Variants in CXCL13 observed in about 807,000 individuals in gnomAD.
The protein encoded by CXCL13 is C-X-C motif chemokine ligand 13.
Under a neutral mutation model 12.2 loss-of-function variants are expected in CXCL13, and 7 were observed. That is an observed-to-expected ratio of 0.57 (90% CI 0.33 to 1.07). CXCL13 has a LOEUF of 1.07. CXCL13 is among the 50% of genes least tolerant of loss of function. The pLI is 0.04. For missense variants in CXCL13, 113 were observed against 127.4 expected, an observed-to-expected ratio of 0.89 and a Z score of 0.55; for synonymous variants, 47 against 42.4, an observed-to-expected ratio of 1.11 and a Z score of -0.42.
At chr4:77,554,990 T>G (rs933960805) in intron 1 of CXCL13, among the ~76,000 whole-genome samples, 1 of 151,800 alleles carries the variant, frequency 6.6e-6, no homozygotes, top group Admixed American at 6.6e-5. Flanking sequence ...AAGTCTAAAA[T>G]TAATGATACA....
chr4:77,546,693 C>T (rs181053072), intron 1 of CXCL13, among the ~76,000 whole-genome samples: 2 of 152,266 alleles, frequency 1.3e-5, no homozygotes, highest in African/African-American at 4.8e-5. Context: ...AAAACCAGCT[C>T]CTGGATTCAT....
At chr4:77,521,778 C>G (rs1724607426) in intron 1 of CXCL13, among the ~76,000 whole-genome samples, 1 of 151,890 alleles carries the variant, frequency 6.6e-6, no homozygotes, top group Admixed American at 6.6e-5. Context: ...GCTCTTGCTT[C>G]TCTAGTTTTT....
At chr4:77,574,407 T>A (rs1471460927) in intron 1 of CXCL13, among the ~76,000 whole-genome samples, 1 of 151,932 alleles carries the variant, frequency 6.6e-6, no homozygotes, top group East Asian at 1.9e-4. Flanking sequence ...TCCTATATTT[T>A]GTATCATGTT....
In CXCL13 at chr4:77,611,516, T is replaced by C. The variant is rs913283175; in HGVS notation, c.*477T>C. On this transcript the variant is annotated 3_prime_UTR_variant, in exon 4 of 4. Transcript: ENST00000682537. ...TCAAGAGGCAAAGGAATCCATGTAGTAGATATCCTCTGCTTAAAAACTCAC... is the reference window on the plus strand; with the variant it reads ...TCAAGAGGCAAAGGAATCCATGTAGCAGATATCCTCTGCTTAAAAACTCAC... 1.0e-5 allele frequency: 4 copies of C among 395,620 alleles called. No individual in the cohort carries two copies. In the East Asian group the frequency reaches 1.1e-4, roughly 11 times the overall value. The allele number at this position is 395,620 out of a possible 1,614,324, so 24.5% of individuals were successfully genotyped here.
At chr4:77,566,452 C>T (rs1725925477) in intron 1 of CXCL13, among the ~76,000 whole-genome samples, 1 of 152,126 alleles carries the variant, frequency 6.6e-6, no homozygotes, top group South Asian at 2.1e-4. Flanking sequence ...AGCTCTAAAA[C>T]TGTTGCTATG....
At chr4:77,537,784 T>C (rs1042141475) in intron 1 of CXCL13, among the ~76,000 whole-genome samples, 11 of 152,164 alleles carry the variant, frequency 7.2e-5, no homozygotes, top group African/African-American at 2.7e-4. Context: ...CATGCAGTTG[T>C]TGTGGGTCTG....
intron 1 of CXCL13, among the ~76,000 whole-genome samples, chr4:77,568,864 C>A (rs1725999839): frequency 6.6e-6 from 1 of 152,106 alleles, no homozygotes; most frequent in South Asian, 2.1e-4. Context: ...CTAAAGTTTT[C>A]ATTTTTCTGT....
At chr4:77,527,928 T>C (rs940280592) in intron 1 of CXCL13, among the ~76,000 whole-genome samples, 1 of 151,830 alleles carries the variant, frequency 6.6e-6, no homozygotes. Context: ...ATCCCTCCCC[T>C]ATCCCCCCAC....
chr4:77,548,683 A>G (rs1725435332), intron 1 of CXCL13, among the ~76,000 whole-genome samples: 1 of 152,230 alleles, frequency 6.6e-6, no homozygotes, highest in Non-Finnish European at 1.5e-5. Flanking sequence ...TCTGGCTTGT[A>G]GAGCTTCTGC....
intron 1 of CXCL13, among the ~76,000 whole-genome samples, chr4:77,520,264 A>G (rs986397388): frequency 1.3e-5 from 2 of 152,220 alleles, no homozygotes; most frequent in African/African-American, 4.8e-5. Context: ...AGTCATTGGT[A>G]GCTTGATGGG....
chr4:77,582,374 A>C (rs1379525298), intron 1 of CXCL13, among the ~76,000 whole-genome samples: 1 of 152,200 alleles, frequency 6.6e-6, no homozygotes, highest in African/African-American at 2.4e-5. Flanking sequence ...ATGCAATAAC[A>C]AAGGAAGGTG....
At chr4:77,515,281 G>A (rs1286664609) in intron 1 of CXCL13, among the ~76,000 whole-genome samples, 6 of 152,154 alleles carry the variant, frequency 3.9e-5, no homozygotes, top group Admixed American at 6.6e-5. Context: ...GATTGACATG[G>A]CGATGTGGGC....
intron 1 of CXCL13, among the ~76,000 whole-genome samples, chr4:77,525,889 C>A (rs1213511461): frequency 1.3e-5 from 2 of 148,764 alleles, no homozygotes; most frequent in African/African-American, 2.5e-5. Flanking sequence ...AACTTTTAGG[C>A]AAAGGTAGGC....
chr4:77,608,260 G>A (rs1727042681), intron 2 of CXCL13, among the ~76,000 whole-genome samples: 1 of 152,054 alleles, frequency 6.6e-6, no homozygotes, highest in Non-Finnish European at 1.5e-5. Context: ...GACCAACATG[G>A]AGAAACCCCG....
intron 1 of CXCL13, among the ~76,000 whole-genome samples, chr4:77,538,507 C>T (rs1200294412): frequency 6.6e-6 from 1 of 151,506 alleles, no homozygotes; most frequent in Non-Finnish European, 1.5e-5. Flanking sequence ...CACACCCACC[C>T]TCAACTTCCA....
intron 1 of CXCL13, among the ~76,000 whole-genome samples, chr4:77,595,011 A>G (rs1726714517): frequency 6.6e-6 from 1 of 152,114 alleles, no homozygotes; most frequent in East Asian, 1.9e-4. Flanking sequence ...ACAGAAATAG[A>G]CAAATGCCAT....
At chr4:77,520,647 C>A (rs1281203335) in intron 1 of CXCL13, among the ~76,000 whole-genome samples, 1 of 152,210 alleles carries the variant, frequency 6.6e-6, no homozygotes, top group Non-Finnish European at 1.5e-5. Context: ...AATATACAAT[C>A]ATATCATCCT....
chr4:77,559,259 G>A (rs1216114804), intron 1 of CXCL13, among the ~76,000 whole-genome samples: 2 of 152,162 alleles, frequency 1.3e-5, no homozygotes, highest in South Asian at 2.1e-4. Flanking sequence ...AGGGGACTGA[G>A]GGGAGAGAGG....
intron 1 of CXCL13, among the ~76,000 whole-genome samples, chr4:77,531,954 T>C (rs1198323200): frequency 6.6e-6 from 1 of 152,210 alleles, no homozygotes; most frequent in East Asian, 1.9e-4. Context: ...GTACGTGAGA[T>C]GGGTTTCCTG....
Sources: allele counts gnomAD v4.1 joint callset (sites outside exome capture counted in the v4.1 genomes callset), GRCh38; gene constraint gnomAD v4.1.1; transcripts MANE v1.5; gene names NCBI Gene and HGNC (gene_info 2026-07-23, HGNC 2026-07-21).